PEX5L: variants seen among roughly 807,000 people sequenced by gnomAD.
The protein encoded by PEX5L is peroxisomal biogenesis factor 5 like.
PEX5L carries 30 observed loss-of-function variants against 84.0 expected under a neutral mutation model. The ratio of observed to expected loss-of-function variants is 0.36; its 90% CI spans 0.27 to 0.48. The LOEUF is 0.48. Ranked by LOEUF, PEX5L falls within the 20% of genes least tolerant of loss-of-function variation. The pLI is 0.99. For synonymous variants in PEX5L, 270 were observed against 283.1 expected, an observed-to-expected ratio of 0.95 and a Z score of 0.46; for missense variants, 533 against 754.6, an observed-to-expected ratio of 0.71 and a Z score of 3.44.
At chr3:179,855,227 T>C (rs1414588349) in intron 8 of PEX5L, among the ~76,000 whole-genome samples, 3 of 152,010 alleles carry the variant, frequency 2.0e-5, no homozygotes, top group East Asian at 1.9e-4. Context: ...TGGAATAGAA[T>C]GTAAAATAGG....
chr3:179,954,171 C>T (rs1779864942), intron 2 of PEX5L, among the ~76,000 whole-genome samples: 1 of 142,502 alleles, frequency 7.0e-6, no homozygotes, highest in African/African-American at 2.7e-5. Context: ...TATTTAAGTT[C>T]CACAAGAACA....
At chr3:179,973,287 T>C in intron 1 of PEX5L, 2 of 1,284,526 alleles carry the variant, frequency 1.6e-6, no homozygotes, top group Non-Finnish European at 2.0e-6. Context: ...GTGGCTTCCT[T>C]GCCAGAACTT....
intron 2 of PEX5L, among the ~76,000 whole-genome samples, chr3:179,916,005 A>G (rs770079028): frequency 1.3e-5 from 2 of 152,228 alleles, no homozygotes; most frequent in Non-Finnish European, 2.9e-5. Context: ...CTTGAAGCTC[A>G]GAGAGAATAA....
chr3:179,949,763 G>T (rs967462742), intron 2 of PEX5L, among the ~76,000 whole-genome samples: 22 of 152,128 alleles, frequency 1.4e-4, no homozygotes, highest in African/African-American at 5.1e-4. Context: ...AAATAATCTC[G>T]TGATTATGGA....
rs1405574976 is a variant in PEX5L at position 179,803,781 on chromosome 3, C to A, written c.1677-1749G>T. Among the ~76,000 whole-genome samples, 4 of 152,256 alleles carry A rather than the reference C, an allele frequency of 2.6e-5. No individual in the cohort carries two copies. In the East Asian group the frequency reaches 7.7e-4, roughly 29 times the overall value. ...CTAATGCACATAATCCAGGGATTTG[C>A]TCATCTATATTGTTAGATCTGCCTG... On this transcript the variant is annotated intron_variant, in intron 14 of 14. Transcript: ENST00000467460.
intron 3 of PEX5L, among the ~76,000 whole-genome samples, chr3:179,890,967 ATTTTT>A (rs34215597): frequency 7.0e-5 from 10 of 143,516 alleles, no homozygotes; most frequent in African/African-American, 2.6e-4. Flanking sequence ...AGGTAAAAAA[ATTTTT>A]TTTTTTTTTT....
chr3:179,853,255 G>A (rs1167288993), intron 8 of PEX5L, among the ~76,000 whole-genome samples: 3 of 152,210 alleles, frequency 2.0e-5, no homozygotes, highest in African/African-American at 7.2e-5. Flanking sequence ...GCCCATGGAA[G>A]CAGCTAAGGC....
intron 2 of PEX5L, among the ~76,000 whole-genome samples, chr3:179,953,677 C>T (rs1035545834): frequency 2.0e-5 from 3 of 152,040 alleles, no homozygotes; most frequent in African/African-American, 7.2e-5. Flanking sequence ...AATGATCCAT[C>T]GTCAGTGATG....
At chr3:179,872,034 G>A (rs930892198) in intron 7 of PEX5L, among the ~76,000 whole-genome samples, 11 of 152,068 alleles carry the variant, frequency 7.2e-5, no homozygotes, top group African/African-American at 2.7e-4. Context: ...ACAGGCTTGT[G>A]CTATCATGCC....
At chr3:180,032,186 G>A (rs1791524703) in intron 1 of PEX5L, among the ~76,000 whole-genome samples, 2 of 152,224 alleles carry the variant, frequency 1.3e-5, no homozygotes, top group South Asian at 4.1e-4. Flanking sequence ...GCTGGAGCTT[G>A]TGTCATAATT....
rs369795320 is a variant in PEX5L, at chr3:179,838,626, T to G, written c.823-18650A>C. Among the ~76,000 whole-genome samples, 110 of 152,328 alleles carry G rather than the reference T, an allele frequency of 7.2e-4. 1 individual carries two copies. The highest frequency in any genetic ancestry group is 2.6e-3 in the African/African-American group (107 of 41,570). On this transcript the variant is annotated intron_variant, in intron 8 of 14. Coordinates refer to ENST00000467460, the MANE Select transcript of PEX5L (RefSeq NM_016559.3). ...TGCTGCAAGACTTGGGTTTGCATCT[T>G]GACTGTTGTCTAACTAATAACTGTT... is the stretch of plus-strand genomic sequence containing the variant.
intron 8 of PEX5L, among the ~76,000 whole-genome samples, chr3:179,829,813 G>A (rs1167537018): frequency 1.6e-5 from 2 of 122,420 alleles, no homozygotes; most frequent in African/African-American, 3.2e-5. Context: ...TTTTGCTCTC[G>A]TTGCCAAGGC....
At chr3:180,030,883 G>A (rs1260235144) in intron 1 of PEX5L, among the ~76,000 whole-genome samples, 3 of 150,900 alleles carry the variant, frequency 2.0e-5, no homozygotes, top group East Asian at 3.9e-4. Context: ...ACTTGGGTCA[G>A]GTTAACCCCA....
chr3:180,019,629 C>G (rs565356511), intron 1 of PEX5L, among the ~76,000 whole-genome samples: 73 of 152,270 alleles, frequency 4.8e-4, no homozygotes, highest in African/African-American at 1.8e-3. Context: ...CACAATTCTG[C>G]ATCTAATATA....
At chr3:180,029,462 G>C (rs748770093) in intron 1 of PEX5L, among the ~76,000 whole-genome samples, 4 of 152,152 alleles carry the variant, frequency 2.6e-5, no homozygotes, top group Non-Finnish European at 5.9e-5. Context: ...AAGCATCATA[G>C]GTTTGTTGTG....
intron 14 of PEX5L, among the ~76,000 whole-genome samples, chr3:179,804,978 G>C (rs1720653462): frequency 6.6e-6 from 1 of 151,878 alleles, no homozygotes; most frequent in Non-Finnish European, 1.5e-5. Context: ...AATTAGCCAG[G>C]CATGGTGGTG....
At chr3:179,969,537 A>G (rs1784221513) in intron 2 of PEX5L, among the ~76,000 whole-genome samples, 1 of 152,094 alleles carries the variant, frequency 6.6e-6, no homozygotes, top group African/African-American at 2.4e-5. Context: ...GACCAATTAC[A>G]GTGTTTCCCC....
chr3:179,796,156 T>G lies in PEX5L; in HGVS notation c.*5672A>C, dbSNP rs1017957919. Reference sequence around the variant, plus strand: ...GTCTTTTTGTGTTATACCATTTCCCTTTCCAAGAAATCCAAAGAACACGAC... The same window carrying G: ...GTCTTTTTGTGTTATACCATTTCCCGTTCCAAGAAATCCAAAGAACACGAC... On this transcript the variant is annotated 3_prime_UTR_variant, in exon 15 of 15. Coordinates refer to ENST00000467460, the MANE Select transcript of PEX5L (RefSeq NM_016559.3). 4 of 152,132 alleles carry G rather than the reference T, an allele frequency of 2.6e-5. No individual in the cohort carries two copies. Among genetic ancestry groups the G allele is most frequent in the African/African-American group, 9.7e-5 (4 of 41,422 alleles). 9.4% of individuals were successfully genotyped at this position (152,132 alleles called of 1,614,324 possible). A position where few individuals can be genotyped will look rare whatever the true frequency, so the allele number is the denominator to read the frequency against.
intron 9 of PEX5L, among the ~76,000 whole-genome samples, chr3:179,817,031 C>A (rs939619398): frequency 3.3e-5 from 5 of 152,080 alleles, no homozygotes; most frequent in African/African-American, 1.2e-4. Flanking sequence ...GTGCTACCAC[C>A]CATACCCCGA....
Sources: allele counts gnomAD v4.1 joint callset (sites outside exome capture counted in the v4.1 genomes callset), GRCh38; gene constraint gnomAD v4.1.1; transcripts MANE v1.5; gene names NCBI Gene and HGNC (gene_info 2026-07-23, HGNC 2026-07-21).